GNL3L: variants seen among roughly 807,000 people sequenced by gnomAD.
GNL3L encodes the protein G protein nucleolar 3 like, also known as guanine nucleotide-binding protein-like 3-like protein.
A neutral mutation model predicts 42.9 loss-of-function variants in GNL3L; 4 were observed. That is an observed-to-expected ratio of 0.09 (90% confidence interval 0.05 to 0.21). The LOEUF is 0.21. GNL3L is among the 10% of genes least tolerant of loss of function. The pLI, the probability that GNL3L is intolerant of heterozygous loss-of-function variation, is 1.00. For synonymous variants in GNL3L, 159 were observed against 176.3 expected (o/e 0.90, Z 0.78); for missense variants, 412 against 481.7 (o/e 0.86, Z 1.36).
At chrX:54,583,890 G>A (rs1925747383) in intron 16 of GNL3L, among the ~76,000 whole-genome samples, 3 of 110,405 alleles carry the variant, frequency 2.7e-5, no homozygotes, top group African/African-American at 9.9e-5. Flanking sequence ...TGATCTGCCT[G>A]CCTCAGTCTC....
chrX:54,606,722 T>C (rs1926066412), intron 16 of GNL3L, among the ~76,000 whole-genome samples: 1 of 106,545 alleles, frequency 9.4e-6, no homozygotes, highest in South Asian at 4.2e-4. Context: ...CTCACTGTAG[T>C]CTCTGCCTCC....
the GNL3L span, among the ~76,000 whole-genome samples, chrX:54,629,680 T>G: frequency 1.8e-5 from 2 of 111,729 alleles, no homozygotes; most frequent in Non-Finnish European, 3.8e-5. Context: ...TGTCAAGAAT[T>G]TTTGCATCTA....
intron 16 of GNL3L, among the ~76,000 whole-genome samples, chrX:54,587,468 TA>T (rs1428882711): frequency 3.6e-5 from 4 of 111,227 alleles, no homozygotes; most frequent in African/African-American, 1.3e-4. Context: ...GAAATTTCAT[TA>T]AACCTGTGTA....
At chrX:54,582,730 G>A (rs1281002734) in intron 16 of GNL3L, among the ~76,000 whole-genome samples, 4 of 111,606 alleles carry the variant, frequency 3.6e-5, no homozygotes, top group African/African-American at 9.8e-5. Flanking sequence ...TTAGAGGTGC[G>A]TGCCACCACG....
chrX:54,559,271 C>T (rs748165899), intron 15 of GNL3L, among the ~76,000 whole-genome samples: 6 of 111,195 alleles, frequency 5.4e-5, no homozygotes, highest in Admixed American at 9.6e-5. Context: ...TATCAAATAA[C>T]GACCATTTAT....
At chrX:54,583,489 C>T (rs913097999) in intron 16 of GNL3L, among the ~76,000 whole-genome samples, 4 of 110,964 alleles carry the variant, frequency 3.6e-5, no homozygotes, top group African/African-American at 9.8e-5. Flanking sequence ...CCACTGCACC[C>T]GGCCATTGAT....
exon 17 of GNL3L, among the ~76,000 whole-genome samples, chrX:54,621,434 G>A (rs1926285406): frequency 8.9e-6 from 1 of 111,876 alleles, no homozygotes; most frequent in Non-Finnish European, 1.9e-5. Flanking sequence ...GTTTTCAGAT[G>A]ACTGCAGCCC....
intron 14 of GNL3L, among the ~76,000 whole-genome samples, chrX:54,555,881 T>C (rs1925081693): frequency 9.1e-6 from 1 of 109,751 alleles, no homozygotes; most frequent in African/African-American, 3.3e-5. Context: ...TCCATATACC[T>C]GTGGCCTGCT....
the GNL3L span, among the ~76,000 whole-genome samples, chrX:54,645,324 A>G: frequency 8.9e-6 from 1 of 111,733 alleles, no homozygotes; most frequent in African/African-American, 3.3e-5. Flanking sequence ...ATTCAGCATG[A>G]TACTGGTTTT....
At chrX:54,590,202 TG>T (rs1217074702) in intron 16 of GNL3L, among the ~76,000 whole-genome samples, 1 of 112,064 alleles carries the variant, frequency 8.9e-6, no homozygotes, top group African/African-American at 3.2e-5. Context: ...CCTCCCAAAG[TG>T]CTGGGATTAT....
chrX:54,618,433 A>T (rs751170474), intron 16 of GNL3L, among the ~76,000 whole-genome samples: 1 of 111,317 alleles, frequency 9.0e-6, no homozygotes, highest in African/African-American at 3.3e-5. Context: ...TTTTCAACAG[A>T]TCCATGTTCT....
chrX:54,561,370 C>G lies in GNL3L; in HGVS notation c.*768C>G. 8.9e-6 allele frequency among the ~76,000 whole-genome samples: 1 copy of G among 112,233 alleles called. No individual in the cohort carries two copies. The highest frequency in any genetic ancestry group is 1.9e-5 in the Non-Finnish European group (1 of 53,263). ...GGCATGCCTGCAGTGGGCTTTGGGCCATGCATCTTCCAAGTCCATAGGTCT... is the reference window on the plus strand; with the variant it reads ...GGCATGCCTGCAGTGGGCTTTGGGCGATGCATCTTCCAAGTCCATAGGTCT... On this transcript the variant is annotated 3_prime_UTR_variant, in exon 16 of 16. Transcript: ENST00000360845.
chrX:54,533,758 C>T (rs966391712), intron 2 of GNL3L, among the ~76,000 whole-genome samples: 1 of 109,441 alleles, frequency 9.1e-6, no homozygotes, highest in African/African-American at 3.3e-5. Flanking sequence ...CCACCATGCC[C>T]GACCAAATAA....
At chrX:54,585,146 T>C (rs1276062438) in intron 16 of GNL3L, among the ~76,000 whole-genome samples, 1 of 112,091 alleles carries the variant, frequency 8.9e-6, no homozygotes, top group East Asian at 2.8e-4. Flanking sequence ...AACTTGTCTT[T>C]TGTCTTTTTG....
chrX:54,609,835 C>A (rs762805060), intron 16 of GNL3L, among the ~76,000 whole-genome samples: 1 of 111,532 alleles, frequency 9.0e-6, no homozygotes, highest in South Asian at 3.8e-4. Flanking sequence ...TATGTGGGCT[C>A]TTTTTTGTTT....
downstream of GNL3L, among the ~76,000 whole-genome samples, chrX:54,570,622 T>C (rs1053349938): frequency 9.0e-6 from 1 of 111,134 alleles, no homozygotes; most frequent in African/African-American, 3.3e-5. Context: ...CTTTGTTCCC[T>C]TTTCTCCCTT....
At chrX:54,601,809 T>C (rs1162300003) in intron 16 of GNL3L, among the ~76,000 whole-genome samples, 2 of 111,975 alleles carry the variant, frequency 1.8e-5, no homozygotes, top group East Asian at 5.6e-4. Context: ...TGTTTTCTGT[T>C]ACTATATAAA....
chrX:54,608,332 A>G (rs1926123035), intron 16 of GNL3L, among the ~76,000 whole-genome samples: 1 of 111,982 alleles, frequency 8.9e-6, no homozygotes, highest in Non-Finnish European at 1.9e-5. Context: ...TCACATAACC[A>G]TAAAACTAAC....
rs925658599 is a variant in GNL3L at position 54,562,496 on chromosome X, C to G, written c.*1894C>G. On this transcript the variant is annotated 3_prime_UTR_variant, in exon 16 of 16. Coordinates refer to ENST00000360845, the MANE Select transcript of GNL3L (RefSeq NM_001184819.2). ...GGAAGTACAAGACCACTCTTGTATT[C>G]AGGGGCAACCAAAGGAGAGAATTAC... 2.7e-5 allele frequency among the ~76,000 whole-genome samples: 3 copies of G among 111,455 alleles called. No homozygotes were observed. Among genetic ancestry groups the G allele is most frequent in the African/African-American group, 9.8e-5 (3 of 30,612 alleles).
Sources: gnomAD v4.1 joint callset for allele counts (sites outside exome capture counted in the v4.1 genomes callset) on GRCh38, gnomAD v4.1.1 for gene constraint, MANE v1.5 for transcripts, NCBI Gene and HGNC (gene_info 2026-07-23, HGNC 2026-07-21) for gene names.